The following EPHB2 variants were observed in gnomAD, a reference collection of about 807,000 sequenced individuals.
EPHB2 encodes the protein ephrin type-B receptor 2.
In EPHB2, 18 loss-of-function variants were observed where a neutral mutation model predicts 96.4. That is an observed-to-expected ratio of 0.19 (90% confidence interval 0.13 to 0.28). EPHB2 has a LOEUF of 0.28. Ranked by LOEUF, EPHB2 falls within the 10% of genes least tolerant of loss-of-function variation. The pLI is 1.00. For synonymous variants in EPHB2, 506 were observed against 534.1 expected, an observed-to-expected ratio of 0.95 and a Z score of 0.72; for missense variants, 989 against 1,355.4, an observed-to-expected ratio of 0.73 and a Z score of 4.25.
chr1:22,754,926 G>GAGGCGAGGGGCAGGGA (rs2148385550), intron 1 of EPHB2, among the ~76,000 whole-genome samples: 4 of 150,644 alleles, frequency 2.7e-5, no homozygotes, highest in African/African-American at 9.7e-5. Context: ...CAGGGGAGGT[G>GAGGCGAGGGGCAGGGA]AGGTGAGGGG....
At chr1:22,815,727 T>C (rs746886320) in intron 3 of EPHB2, among the ~76,000 whole-genome samples, 18 of 152,268 alleles carry the variant, frequency 1.2e-4, no homozygotes, top group Admixed American at 3.9e-4. Flanking sequence ...GAATCTGTTA[T>C]ATTTGCAAGG....
intron 1 of EPHB2, among the ~76,000 whole-genome samples, chr1:22,763,739 T>C (rs888051337): frequency 1.3e-5 from 2 of 152,164 alleles, no homozygotes; most frequent in Non-Finnish European, 2.9e-5. Flanking sequence ...TTTATTGTTT[T>C]ACAGCCCTGG....
intron 1 of EPHB2, among the ~76,000 whole-genome samples, chr1:22,721,102 T>C (rs143719920): frequency 2.8e-4 from 42 of 152,324 alleles, no homozygotes; most frequent in African/African-American, 9.4e-4. Flanking sequence ...ACTCCCACCT[T>C]GGCCAGAGGT....
intron 5 of EPHB2, among the ~76,000 whole-genome samples, chr1:22,878,286 G>A (rs1039661665): frequency 6.6e-6 from 1 of 152,248 alleles, no homozygotes; most frequent in African/African-American, 2.4e-5. Context: ...GTTCAAGGCT[G>A]AATCACTTTG....
At chr1:22,896,611 T>A in intron 9 of EPHB2, 133 bp downstream of exon 9, 1 of 1,207,622 alleles carries the variant, frequency 8.3e-7, no homozygotes, top group Non-Finnish European at 1.2e-6. Flanking sequence ...CTGGTTGCAC[T>A]AAGCTCACTC....
At chr1:22,763,711 G>A (rs947215346) in intron 1 of EPHB2, among the ~76,000 whole-genome samples, 13 of 152,106 alleles carry the variant, frequency 8.5e-5, no homozygotes, top group African/African-American at 3.1e-4. Context: ...AAGTCTTCGT[G>A]GTTTAAAACA....
intron 1 of EPHB2, among the ~76,000 whole-genome samples, chr1:22,749,083 G>A (rs1050601781): frequency 6.6e-6 from 1 of 150,910 alleles, no homozygotes; most frequent in Non-Finnish European, 1.5e-5. Flanking sequence ...TGCAGTGGTG[G>A]GATCTCGCCT....
At chr1:22,876,776 C>T (rs1343872277) in intron 5 of EPHB2, among the ~76,000 whole-genome samples, 7 of 152,326 alleles carry the variant, frequency 4.6e-5, no homozygotes, top group East Asian at 1.9e-4. Flanking sequence ...TTTTCTCCGC[C>T]GTTAATCCCC....
At chr1:22,884,551 C>T (rs542207043) in intron 6 of EPHB2, among the ~76,000 whole-genome samples, 11 of 143,874 alleles carry the variant, frequency 7.6e-5, no homozygotes, top group South Asian at 2.2e-4. Flanking sequence ...ACCCAGGAGA[C>T]GGAGGTTGCA....
intron 1 of EPHB2, among the ~76,000 whole-genome samples, chr1:22,748,671 C>T (rs1289311538): frequency 2.0e-5 from 3 of 151,458 alleles, no homozygotes; most frequent in Non-Finnish European, 4.4e-5. Context: ...TGAGCCACTG[C>T]GCCCAGCTCT....
At chr1:22,798,733 C>T (rs1408842909) in intron 3 of EPHB2, among the ~76,000 whole-genome samples, 3 of 152,128 alleles carry the variant, frequency 2.0e-5, no homozygotes, top group Admixed American at 1.3e-4. Context: ...ACGTCCTTTT[C>T]CTGAGCCTCA....
chr1:22,837,800 G>T (rs1471790885), intron 3 of EPHB2, among the ~76,000 whole-genome samples: 1 of 152,136 alleles, frequency 6.6e-6, no homozygotes, highest in Non-Finnish European at 1.5e-5. Context: ...TCCTTGGAAG[G>T]GCTGGCTCTT....
chr1:22,896,496 C>G lies in EPHB2; in HGVS notation c.1765+18C>G. 3 of 1,614,040 alleles carry G rather than the reference C, an allele frequency of 1.9e-6. No homozygotes were observed. The highest frequency in any genetic ancestry group is 2.5e-6 in the Non-Finnish European group (3 of 1,179,976). ...TGGCCACAGTATGTACACACCCAAG[C>G]GGGCTGGAACCCTTGGGCCCTTCAC... On this transcript the variant is annotated intron_variant, in intron 9 of 15. Transcript: ENST00000374630.
At chr1:22,766,689 C>A (rs1363572621) in intron 1 of EPHB2, among the ~76,000 whole-genome samples, 1 of 152,152 alleles carries the variant, frequency 6.6e-6, no homozygotes, top group Non-Finnish European at 1.5e-5. Flanking sequence ...CACCACACAC[C>A]CCATCAGAGA....
At chr1:22,796,210 T>C (rs1644764612) in intron 3 of EPHB2, among the ~76,000 whole-genome samples, 1 of 152,020 alleles carries the variant, frequency 6.6e-6, no homozygotes, top group African/African-American at 2.4e-5. Context: ...AAATACACAG[T>C]ATGTCAGGCG....
intron 3 of EPHB2, among the ~76,000 whole-genome samples, chr1:22,848,618 C>T (rs1168852083): frequency 6.6e-6 from 1 of 152,204 alleles, no homozygotes; most frequent in Non-Finnish European, 1.5e-5. Context: ...TTAGCTGAGG[C>T]CTTCTCCTGC....
chr1:22,880,396 G>A (rs961388614), intron 5 of EPHB2, among the ~76,000 whole-genome samples: 1 of 152,246 alleles, frequency 6.6e-6, no homozygotes, highest in South Asian at 2.1e-4. Flanking sequence ...ACTTTCCAGT[G>A]TCCTTGTATT....
At chr1:22,716,965 T>G (rs1251132441) in intron 1 of EPHB2, among the ~76,000 whole-genome samples, 2 of 152,100 alleles carry the variant, frequency 1.3e-5, no homozygotes, top group African/African-American at 2.4e-5. Context: ...ATCTGGGAGA[T>G]GGGGAACAAG....
chr1:22,896,702 C>G (rs1639577325), intron 9 of EPHB2, among the ~76,000 whole-genome samples: 1 of 152,298 alleles, frequency 6.6e-6, no homozygotes, highest in Admixed American at 6.5e-5. Flanking sequence ...AGCTCTTACT[C>G]ATCCCTCAGG....
Sources: allele counts gnomAD v4.1 joint callset (sites outside exome capture counted in the v4.1 genomes callset), GRCh38; gene constraint gnomAD v4.1.1; transcripts MANE v1.5; gene names NCBI Gene and HGNC (gene_info 2026-07-23, HGNC 2026-07-21).